EVC: variants seen among roughly 807,000 people sequenced by gnomAD.
EVC encodes EvC ciliary complex subunit 1.
A neutral mutation model predicts 118.9 loss-of-function variants in EVC; 116 were observed. That is an observed-to-expected ratio of 0.98 (90% CI 0.84 to 1.14). The LOEUF is 1.14. EVC is among the 50% of genes most tolerant of loss of function. EVC has a pLI of 0.00. For missense variants in EVC, 1,401 were observed against 1,246.4 expected (o/e 1.12, Z -1.87); for synonymous variants, 619 against 534.7 (o/e 1.16, Z -2.18).
At chr4:5,724,652 G>T (rs930763775) in intron 2 of EVC, among the ~76,000 whole-genome samples, 3 of 151,898 alleles carry the variant, frequency 2.0e-5, no homozygotes, top group African/African-American at 7.3e-5. Context: ...CTGTGGCAGG[G>T]TCCTTGGAAG....
In EVC at chr4:5,752,110, C is replaced by G. The variant is rs368296458; in HGVS notation, c.1099-726C>G. 2.8e-3 allele frequency among the ~76,000 whole-genome samples: 424 copies of G among 152,046 alleles called. 1 individual carries two copies. Among genetic ancestry groups the G allele is most frequent in the African/African-American group, 9.9e-3 (411 of 41,496 alleles). ...GTGGCCTCGGCCCAGCACAGAGGTG[C>G]CTAGGCCTGAGCTGGGCGTGGCTGG... On this transcript the variant is annotated intron_variant, in intron 8 of 20. Coordinates refer to ENST00000264956, the MANE Select transcript of EVC (RefSeq NM_153717.3).
chr4:5,828,138 G>A, the EVC span: 1 of 985,410 alleles, frequency 1.0e-6, no homozygotes, highest in Non-Finnish European at 1.2e-6. Flanking sequence ...GCTCTGGGCT[G>A]CAAAAGGAGG....
chr4:5,717,930 CTGTG>C (rs1724249943), intron 1 of EVC, among the ~76,000 whole-genome samples: 1 of 152,234 alleles, frequency 6.6e-6, no homozygotes, highest in Admixed American at 6.5e-5. Flanking sequence ...AAAGCAGAGG[CTGTG>C]TATTTTGTTC....
At chr4:5,740,260 C>G (rs1338926504) in intron 5 of EVC, among the ~76,000 whole-genome samples, 7 of 152,050 alleles carry the variant, frequency 4.6e-5, no homozygotes, top group Non-Finnish European at 1.0e-4. Context: ...CACTTGAGGT[C>G]AGGAATTCAA....
the EVC span, chr4:5,825,780 A>G: frequency 2.2e-6 from 2 of 889,220 alleles, no homozygotes; most frequent in East Asian, 2.8e-5. This position sits in a 1 kb window ranked among gnomAD's most constrained non-coding sequence, Gnocchi z 4.4. Context: ...GTGCATGCAC[A>G]CACACACACA....
chr4:5,790,002 G>A (rs911992329), intron 12 of EVC, among the ~76,000 whole-genome samples: 2 of 151,986 alleles, frequency 1.3e-5, no homozygotes, highest in Non-Finnish European at 2.9e-5. Context: ...CCTACATAGC[G>A]AAACCCCATC....
rs1393913185 is a variant in EVC at position 5,738,155 on chromosome 4, A to G, written c.703-3561A>G. On this transcript the variant is annotated intron_variant, in intron 5 of 20. Transcript: ENST00000264956. The surrounding 1 kb of genome is among the most constrained non-coding windows in gnomAD (Gnocchi z 6.5). ...ATTGGAAATGTGGAAATAGCAAGAA[A>G]ACTAGGATTAGAATTGGAGCCTGAA... Among the ~76,000 whole-genome samples the G allele has an allele frequency of 6.6e-6, 1 of 152,188 alleles. No individual in the cohort carries two copies. The highest frequency in any genetic ancestry group is 2.4e-5 in the African/African-American group (1 of 41,440).
At chr4:5,805,999 C>T (rs1047683713) in intron 17 of EVC, among the ~76,000 whole-genome samples, 3 of 146,484 alleles carry the variant, frequency 2.0e-5, no homozygotes, top group African/African-American at 5.0e-5. Flanking sequence ...AAATAGTGTA[C>T]GTTTTACCCA....
At chr4:5,815,796 CT>C (rs1249438842), downstream of EVC, among the ~76,000 whole-genome samples, 5 of 152,192 alleles carry the variant, frequency 3.3e-5, no homozygotes, top group Admixed American at 6.5e-5. Context: ...GACGTCCCCC[CT>C]GGAATGTACA....
chr4:5,744,626 TCA>T (rs1366615835), intron 6 of EVC, among the ~76,000 whole-genome samples: 1 of 152,172 alleles, frequency 6.6e-6, no homozygotes, highest in Non-Finnish European at 1.5e-5. Context: ...CAGAATTCAC[TCA>T]ATTGCCTAGC....
intron 13 of EVC, among the ~76,000 whole-genome samples, chr4:5,794,082 G>T (rs1176654344): frequency 1.3e-5 from 2 of 151,664 alleles, no homozygotes; most frequent in South Asian, 4.2e-4. Flanking sequence ...AATTGTAAAA[G>T]ATTTCTTGTG....
chr4:5,781,166 C>G (rs146619416), intron 11 of EVC, among the ~76,000 whole-genome samples: 1 of 152,076 alleles, frequency 6.6e-6, no homozygotes, highest in African/African-American at 2.4e-5. Flanking sequence ...AAGGAGACCT[C>G]GAATTGATTT....
At chr4:5,783,876 C>T (rs1051669437) in intron 12 of EVC, 112 bp downstream of exon 12, 28 of 1,007,950 alleles carry the variant, frequency 2.8e-5, no homozygotes, top group Middle Eastern at 3.0e-4. Flanking sequence ...AGGTGCTCTA[C>T]GGAGATGACT....
intron 15 of EVC, among the ~76,000 whole-genome samples, chr4:5,801,568 T>C (rs1376404517): frequency 1.3e-5 from 2 of 150,464 alleles, no homozygotes; most frequent in Non-Finnish European, 2.9e-5. Context: ...TAATCCCAGA[T>C]ACTTGGGAGA....
chr4:5,752,550 C>G, intron 8 of EVC: 1 of 520,138 alleles, frequency 1.9e-6, no homozygotes, highest in Non-Finnish European at 3.5e-6. Flanking sequence ...AATCTGGATT[C>G]CCTCCTAGGA....
intron 11 of EVC, among the ~76,000 whole-genome samples, chr4:5,778,102 T>A (rs1406280737): frequency 6.6e-6 from 1 of 151,390 alleles, no homozygotes; most frequent in Non-Finnish European, 1.5e-5. Flanking sequence ...GGTTTTTTGT[T>A]CTTGCGATAG....
At chr4:5,776,351 CTG>C (rs1341368284) in intron 11 of EVC, among the ~76,000 whole-genome samples, 2 of 152,032 alleles carry the variant, frequency 1.3e-5, no homozygotes, top group African/African-American at 4.8e-5. Flanking sequence ...AAAAGTGACC[CTG>C]TGTTTACTAG....
chr4:5,717,944 C>G (rs1017917763), intron 1 of EVC, among the ~76,000 whole-genome samples: 8 of 152,150 alleles, frequency 5.3e-5, no homozygotes, highest in East Asian at 1.9e-4. Context: ...GTATTTTGTT[C>G]GTTACTCTAT....
In EVC at chr4:5,731,323, T is replaced by G; in HGVS notation, c.385-102T>G. The G allele has an allele frequency of 9.6e-7, 1 of 1,046,066 alleles. No individual in the cohort carries two copies. The highest frequency in any genetic ancestry group is 1.5e-6 in the Non-Finnish European group (1 of 663,342). The allele number at this position is 1,046,066 out of a possible 1,614,324, so 64.8% of individuals were successfully genotyped here. A position where few individuals can be genotyped will look rare whatever the true frequency, so the allele number is the denominator to read the frequency against. On this transcript the variant is annotated intron_variant, in intron 3 of 20. Coordinates refer to ENST00000264956, the MANE Select transcript of EVC (RefSeq NM_153717.3). The surrounding 1 kb of genome is among the most constrained non-coding windows in gnomAD (Gnocchi z 5.6). ...CTGGCCAGTCTCCTCCAGGCAGACC[T>G]TCCTGTGAGCGGCTAGCGTGAATCA...
Sources: allele counts gnomAD v4.1 joint callset (sites outside exome capture counted in the v4.1 genomes callset), GRCh38; gene constraint gnomAD v4.1.1; non-coding constraint Gnocchi (gnomAD v3.1); transcripts MANE v1.5; gene names NCBI Gene and HGNC (gene_info 2026-07-23, HGNC 2026-07-21).